Variants in TYW1B observed in about 807,000 individuals in gnomAD.
TYW1B encodes S-adenosyl-L-methionine-dependent tRNA 4-demethylwyosine synthase TYW1B.
TYW1B carries 73 observed loss-of-function variants against 86.9 expected under a neutral mutation model. The observed-to-expected ratio is 0.84, with a 90% CI of 0.70 to 1.02. The LOEUF (loss-of-function observed/expected upper bound fraction) is 1.02, where lower values mean the gene tolerates loss of function less well. Among genes scored for constraint, TYW1B ranks in the 50% least tolerant of loss-of-function variants. The pLI, the probability that TYW1B is intolerant of heterozygous loss-of-function variation, is 0.00. For synonymous variants in TYW1B, 248 were observed against 292.8 expected, an observed-to-expected ratio of 0.85 and a Z score of 1.56; for missense variants, 637 against 827.4, an observed-to-expected ratio of 0.77 and a Z score of 2.82.
intron 6 of TYW1B, among the ~76,000 whole-genome samples, chr7:72,795,508 C>T (rs1374730491): frequency 1.3e-5 from 2 of 150,152 alleles, no homozygotes; most frequent in African/African-American, 2.5e-5. Context: ...CATTTTTTGA[C>T]GCGAAACTAC....
At chr7:72,754,993 G>C (rs1206693055) in intron 7 of TYW1B, among the ~76,000 whole-genome samples, 3 of 152,016 alleles carry the variant, frequency 2.0e-5, no homozygotes, top group African/African-American at 7.2e-5. Context: ...ATAAACAAAA[G>C]GCACTGAGTC....
chr7:72,692,672 G>A (rs1342678623), intron 11 of TYW1B, among the ~76,000 whole-genome samples: 1 of 152,022 alleles, frequency 6.6e-6, no homozygotes, highest in African/African-American at 2.4e-5. Flanking sequence ...ACTTAGGAAG[G>A]GAAAAAGGGG....
At chr7:72,608,959 CAT>C (rs782277750) in intron 13 of TYW1B, among the ~76,000 whole-genome samples, 10 of 152,198 alleles carry the variant, frequency 6.6e-5, no homozygotes, top group South Asian at 6.2e-4. Flanking sequence ...TAAACACACA[CAT>C]GTGAGTGCAT....
chr7:72,814,594 C>A lies in TYW1B; in HGVS notation c.237+786G>T, dbSNP rs7778145. ...GCGAGACTCCGTCTCAAAAAAAAAA[C>A]AAAAAAAACTTTTAAAATTAGCAGG... On this transcript the variant is annotated intron_variant, in intron 3 of 13. Coordinates refer to ENST00000620995, the MANE Select transcript of TYW1B (RefSeq NM_001145440.3). Among the ~76,000 whole-genome samples the A allele has an allele frequency of 6.2e-3, 920 of 149,174 alleles. 13 individuals carry two copies. The highest frequency in any genetic ancestry group is 0.02 in the African/African-American group (789 of 40,378).
intron 11 of TYW1B, among the ~76,000 whole-genome samples, chr7:72,690,777 C>A (rs1328199578): frequency 6.6e-6 from 1 of 151,800 alleles, no homozygotes; most frequent in Non-Finnish European, 1.5e-5. Context: ...GAGACAGTCT[C>A]GCTCTTGTTG....
intron 13 of TYW1B, among the ~76,000 whole-genome samples, chr7:72,608,830 G>T (rs1403314072): frequency 6.6e-6 from 1 of 152,218 alleles, no homozygotes; most frequent in Non-Finnish European, 1.5e-5. Context: ...AGAGGCTAGG[G>T]ATAGTTGGTA....
intron 13 of TYW1B, among the ~76,000 whole-genome samples, chr7:72,593,334 G>A (rs530745452): frequency 6.6e-6 from 1 of 151,432 alleles, no homozygotes; most frequent in Non-Finnish European, 1.5e-5. Context: ...GCACTTGAAG[G>A]GCACAATAAG....
chr7:72,604,976 T>C (rs1321229127), intron 13 of TYW1B, among the ~76,000 whole-genome samples: 1 of 152,234 alleles, frequency 6.6e-6, no homozygotes, highest in African/African-American at 2.4e-5. Flanking sequence ...GAGTCATACT[T>C]ACTATCCTAG....
At chr7:72,806,239 T>C (rs559020632) in intron 5 of TYW1B, among the ~76,000 whole-genome samples, 238 of 8,074 alleles carry the variant, frequency 0.029, 1 homozygote, top group Middle Eastern at 0.18. Flanking sequence ...GTGTGTGGGT[T>C]TTTTTTTTTT....
chr7:72,757,398 A>G (rs1787611158), intron 7 of TYW1B, among the ~76,000 whole-genome samples: 1 of 151,884 alleles, frequency 6.6e-6, no homozygotes, highest in African/African-American at 2.4e-5. Flanking sequence ...CAGAAATGCA[A>G]AGAATTAAGA....
intron 7 of TYW1B, among the ~76,000 whole-genome samples, chr7:72,754,270 G>A (rs1381634045): frequency 6.6e-6 from 1 of 151,834 alleles, no homozygotes; most frequent in Non-Finnish European, 1.5e-5. Context: ...CTCCTGAGTG[G>A]CTGGGACTAC....
At chr7:72,813,171 C>CTTTTTT (rs782128548) in intron 3 of TYW1B, among the ~76,000 whole-genome samples, 8 of 123,736 alleles carry the variant, frequency 6.5e-5, no homozygotes, top group East Asian at 2.3e-4. Flanking sequence ...CATACTTCTT[C>CTTTTTT]TTTTTTTTTT....
intron 7 of TYW1B, among the ~76,000 whole-genome samples, chr7:72,758,935 G>A (rs782100375): frequency 2.0e-5 from 3 of 151,934 alleles, no homozygotes; most frequent in Non-Finnish European, 4.4e-5. Context: ...TCTTATCTTG[G>A]GTTATTTTCA....
chr7:72,645,730 C>T (rs1399440385), intron 11 of TYW1B, among the ~76,000 whole-genome samples: 1 of 151,966 alleles, frequency 6.6e-6, no homozygotes, highest in African/African-American at 2.4e-5. Flanking sequence ...ATCTACCTTA[C>T]GGTGTTAGCA....
chr7:72,823,703 T>C (rs1788875128), intron 2 of TYW1B, among the ~76,000 whole-genome samples: 1 of 152,062 alleles, frequency 6.6e-6, no homozygotes, highest in Non-Finnish European at 1.5e-5. Context: ...AGATGGAAGA[T>C]GGCTATCTAC....
At chr7:72,819,040 A>T (rs1386015695) in intron 2 of TYW1B, among the ~76,000 whole-genome samples, 1 of 152,148 alleles carries the variant, frequency 6.6e-6, no homozygotes, top group Non-Finnish European at 1.5e-5. Flanking sequence ...AGAGACTAAC[A>T]CAAGGATAAA....
intron 7 of TYW1B, among the ~76,000 whole-genome samples, chr7:72,763,157 TA>T (rs1240487655): frequency 6.7e-5 from 10 of 148,218 alleles, no homozygotes; most frequent in Admixed American, 1.4e-4. Context: ...AACTGGCCTT[TA>T]AAAAAAAAAC....
chr7:72,689,622 G>A (rs1814092577), intron 11 of TYW1B, among the ~76,000 whole-genome samples: 1 of 152,150 alleles, frequency 6.6e-6, no homozygotes, highest in South Asian at 2.1e-4. Context: ...GACAGTCATA[G>A]AGAAGTGTAA....
intron 9 of TYW1B, among the ~76,000 whole-genome samples, chr7:72,715,341 G>A (rs1248159829): frequency 3.3e-5 from 5 of 152,166 alleles, no homozygotes; most frequent in Admixed American, 1.3e-4. Context: ...TTAAATCACG[G>A]TCTCTGGGGA....
Sources: gnomAD v4.1 joint callset for allele counts (sites outside exome capture counted in the v4.1 genomes callset) on GRCh38, gnomAD v4.1.1 for gene constraint, MANE v1.5 for transcripts, NCBI Gene and HGNC (gene_info 2026-07-23, HGNC 2026-07-21) for gene names.